POMZP3: variants seen among roughly 807,000 people sequenced by gnomAD.
POMZP3 encodes the protein POM121 and ZP3 fusion, also known as POM121 and ZP3 fusion protein.
In POMZP3, 10 loss-of-function variants were observed where a neutral mutation model predicts 19.8. The ratio of observed to expected loss-of-function variants is 0.51; its 90% CI spans 0.31 to 0.86. The LOEUF (loss-of-function observed/expected upper bound fraction) is 0.86, where lower values mean the gene tolerates loss of function less well. Among genes scored for constraint, POMZP3 ranks in the 40% least tolerant of loss-of-function variants. POMZP3 has a pLI of 0.04. For missense variants in POMZP3, 152 were observed against 228.1 expected, an observed-to-expected ratio of 0.67 and a Z score of 2.15; for synonymous variants, 57 against 85.8, an observed-to-expected ratio of 0.66 and a Z score of 1.85.
rs1195272725 is a variant in POMZP3 at position 76,614,389 on chromosome 7, A to G, written c.346-2576T>C. ...ATGGTGAAACCCCATCTCTACTAAA[A>G]AAAAAAAAAAAATACAGAAATTAGC... On this transcript the variant is annotated intron_variant, in intron 4 of 6. Transcript: ENST00000310842. 2.5e-5 allele frequency among the ~76,000 whole-genome samples: 2 copies of G among 79,056 alleles called. 1 individual carries two copies. The highest frequency in any genetic ancestry group is 5.3e-5 in the Non-Finnish European group (2 of 37,786). 51.9% of individuals were successfully genotyped at this position (79,056 alleles called of 152,430 possible). A position where few individuals can be genotyped will look rare whatever the true frequency, so the allele number is the denominator to read the frequency against.
chr7:76,625,663 G>C lies in POMZP3; in HGVS notation c.86C>G (p.Ser29Ter), dbSNP rs1815844245. 5 of 1,613,848 alleles carry C rather than the reference G, an allele frequency of 3.1e-6. No individual in the cohort carries two copies. Among genetic ancestry groups the C allele is most frequent in the Middle Eastern group, 1.7e-4 (1 of 6,056 alleles). ...ATTACTTGATGGTGAGGACAGTGTT[G>C]AGCTGATTATCTGCTCTGGTCTATA... Reference protein sequence around the residue: ...RSAIPEQIISSTLSSPSSNAP... With the variant: ...RSAIPEQIIS The change falls in exon 3 of 7, where the codon TCA becomes TGA. Residue 29 changes from serine (S) to a stop codon, truncating the protein, a stop_gained. Coordinates refer to ENST00000310842, the MANE Select transcript of POMZP3 (RefSeq NM_012230.5). LOFTEE classifies it high-confidence loss of function.
intron 3 of POMZP3, among the ~76,000 whole-genome samples, chr7:76,619,439 C>G (rs1303329372): frequency 6.6e-6 from 1 of 151,078 alleles, no homozygotes; most frequent in Non-Finnish European, 1.5e-5. Context: ...CTGGCAGTAT[C>G]CCCACTCCCC....
At chr7:76,624,306 T>C (rs1408243512) in intron 3 of POMZP3, among the ~76,000 whole-genome samples, 2 of 151,404 alleles carry the variant, frequency 1.3e-5, no homozygotes, top group African/African-American at 4.9e-5. Flanking sequence ...CCCAGCACTT[T>C]GGGAGGCTGA....
intron 4 of POMZP3, among the ~76,000 whole-genome samples, chr7:76,617,693 T>TC (rs1241844618): frequency 9.3e-6 from 1 of 107,328 alleles, no homozygotes; most frequent in Non-Finnish European, 1.9e-5. Context: ...CTGCCTTTTT[T>TC]TTTTTTTGGA....
At chr7:76,616,889 G>A (rs1288290658) in intron 4 of POMZP3, among the ~76,000 whole-genome samples, 1 of 95,246 alleles carries the variant, frequency 1.0e-5, no homozygotes, top group Non-Finnish European at 2.3e-5. Flanking sequence ...TGGGCATGGT[G>A]GCTCACGCCT....
chr7:76,619,132 C>G (rs1024911801), intron 3 of POMZP3, among the ~76,000 whole-genome samples: 12 of 152,124 alleles, frequency 7.9e-5, no homozygotes, highest in Admixed American at 6.5e-5. Flanking sequence ...GGCGCAGTGG[C>G]TCATGCCTCT....
intron 1 of POMZP3, 103 bp downstream of exon 1, chr7:76,626,605 A>G: frequency 1.7e-6 from 2 of 1,168,014 alleles, no homozygotes; most frequent in Non-Finnish European, 2.3e-6. Flanking sequence ...AAAACCACAC[A>G]CAATTCCCTT....
intron 3 of POMZP3, among the ~76,000 whole-genome samples, chr7:76,624,812 A>ATT (rs1294796864): frequency 0.019 from 2,904 of 151,578 alleles, 75 homozygotes; most frequent in African/African-American, 0.059. Flanking sequence ...TTCTTTCCCA[A>ATT]GCATTTCCTT....
intron 4 of POMZP3, among the ~76,000 whole-genome samples, chr7:76,612,888 A>C (rs1584339801): frequency 1.4e-5 from 1 of 73,792 alleles, no homozygotes; most frequent in African/African-American, 7.7e-5. Context: ...GCTTCTGTGG[A>C]GTTTCCATTT....
In POMZP3 at chr7:76,627,144, T is replaced by C; in HGVS notation, c.-588A>G. 1.4e-6 allele frequency: 2 copies of C among 1,446,180 alleles called. No individual in the cohort carries two copies. Among genetic ancestry groups the C allele is most frequent in the Non-Finnish European group, 1.8e-6 (2 of 1,090,158 alleles). 89.6% of individuals were successfully genotyped at this position (1,446,180 alleles called of 1,614,324 possible). ...CAGCCGCAGCAGGCACGAGGTACAG[T>C]AGGAGGCCGACCAGCGACAGGCCGA... On this transcript the variant is annotated 5_prime_UTR_variant, in exon 1 of 7. Transcript: ENST00000310842.
chr7:76,620,860 C>CTTTTTTTTT (rs752303123), intron 3 of POMZP3, among the ~76,000 whole-genome samples: 14 of 100,252 alleles, frequency 1.4e-4, no homozygotes, highest in Admixed American at 2.3e-4. Context: ...GCTGTAAAGC[C>CTTTTTTTTT]ATTTTTTTTT....
chr7:76,620,036 C>T (rs782495), intron 3 of POMZP3, among the ~76,000 whole-genome samples: 35,724 of 65,574 alleles, frequency 0.54, 12,100 homozygotes, highest in East Asian at 0.74. Context: ...AAAAAAGGGC[C>T]GGGTGCGGTG....
At chr7:76,617,687 C>G (rs1313609602) in intron 4 of POMZP3, among the ~76,000 whole-genome samples, 1 of 83,290 alleles carries the variant, frequency 1.2e-5, no homozygotes, top group Non-Finnish European at 2.4e-5. Flanking sequence ...TAACACCTGC[C>G]TTTTTTTTTT....
chr7:76,620,860 C>CCTTTT, intron 3 of POMZP3, among the ~76,000 whole-genome samples: 1 of 100,270 alleles, frequency 1.0e-5, no homozygotes, highest in Non-Finnish European at 1.9e-5. Context: ...GCTGTAAAGC[C>CCTTTT]ATTTTTTTTT....
intron 3 of POMZP3, 117 bp downstream of exon 3, chr7:76,625,405 A>C (rs574681603): frequency 2.0e-5 from 31 of 1,514,876 alleles, no homozygotes; most frequent in East Asian, 6.8e-5. Flanking sequence ...CCAAAGAAGG[A>C]GGCCTATGAA....
intron 3 of POMZP3, among the ~76,000 whole-genome samples, chr7:76,622,468 C>T (rs1186700883): frequency 1.4e-5 from 2 of 139,072 alleles, no homozygotes; most frequent in East Asian, 4.0e-4. Flanking sequence ...AACCTCCGCC[C>T]CACAGGTTCA....
In POMZP3 at chr7:76,625,415, A is replaced by G. The variant is rs1584357013; in HGVS notation, c.227+107T>C. Reference sequence around the variant, plus strand: ...GAAAGCCAAAGAAGGAGGCCTATGAAGGCTCACAAACTGGAGGTGGCCTCT... The same window carrying G: ...GAAAGCCAAAGAAGGAGGCCTATGAGGGCTCACAAACTGGAGGTGGCCTCT... On this transcript the variant is annotated intron_variant, in intron 3 of 6. Coordinates refer to ENST00000310842, the MANE Select transcript of POMZP3 (RefSeq NM_012230.5). The G allele has an allele frequency of 3.2e-6, 5 of 1,564,498 alleles. No homozygotes were observed. The East Asian group carries it at 1.1e-4, about 35-fold the overall frequency.
intron 3 of POMZP3, among the ~76,000 whole-genome samples, chr7:76,624,080 T>C (rs371259726): frequency 8.8e-6 from 1 of 113,456 alleles, no homozygotes; most frequent in East Asian, 2.3e-4. Context: ...AGAGAGGACT[T>C]TGGTCAAAAT....
intron 3 of POMZP3, among the ~76,000 whole-genome samples, chr7:76,623,197 T>A (rs961190075): frequency 8.7e-5 from 13 of 149,700 alleles, no homozygotes; most frequent in South Asian, 2.1e-4. Context: ...TTTTTTTTTT[T>A]ATTTCACTTT....
Sources: gnomAD v4.1 joint callset for allele counts (sites outside exome capture counted in the v4.1 genomes callset) on GRCh38, gnomAD v4.1.1 for gene constraint, MANE v1.5 for transcripts, NCBI Gene and HGNC (gene_info 2026-07-23, HGNC 2026-07-21) for gene names.